Variants in BICD1 observed in about 807,000 individuals in gnomAD.
BICD1 encodes the protein protein bicaudal D homolog 1.
In BICD1, 35 loss-of-function variants were observed where a neutral mutation model predicts 92.5. That is an observed-to-expected ratio of 0.38 (90% CI 0.29 to 0.50). The LOEUF (loss-of-function observed/expected upper bound fraction) is 0.50. BICD1 is among the 20% of genes least tolerant of loss of function. The pLI is 0.93. For missense variants in BICD1, 950 were observed against 1,189.8 expected (o/e 0.80, Z 2.97); for synonymous variants, 429 against 465.1 (o/e 0.92, Z 1.00).
intron 2 of BICD1, among the ~76,000 whole-genome samples, chr12:32,252,216 C>G (rs1206833814): frequency 8.6e-6 from 1 of 116,528 alleles, no homozygotes; most frequent in Non-Finnish European, 1.7e-5. Flanking sequence ...TATTATATAT[C>G]TTGTATATAT....
At chr12:32,292,300 G>A (rs1474026583) in intron 2 of BICD1, among the ~76,000 whole-genome samples, 1 of 152,114 alleles carries the variant, frequency 6.6e-6, no homozygotes, top group African/African-American at 2.4e-5. Flanking sequence ...TTTTCCCTGT[G>A]TTTCTTCACA....
intron 3 of BICD1, among the ~76,000 whole-genome samples, chr12:32,296,256 GT>G (rs373796519): frequency 0.25 from 22,276 of 89,424 alleles, 1,174 homozygotes; most frequent in Admixed American, 0.32. Flanking sequence ...GTTTTTTTTT[GT>G]TTTTTTTTTT....
chr12:32,202,062 T>TA (rs1263830935), intron 1 of BICD1, among the ~76,000 whole-genome samples: 6 of 152,174 alleles, frequency 3.9e-5, no homozygotes, highest in Non-Finnish European at 5.9e-5. Flanking sequence ...ATATAATACT[T>TA]ATGGAACAGT....
intron 2 of BICD1, among the ~76,000 whole-genome samples, chr12:32,225,119 C>T (rs939112427): frequency 2.0e-5 from 3 of 152,216 alleles, no homozygotes; most frequent in African/African-American, 7.2e-5. Context: ...GCCACTCCCA[C>T]CTCAGCCTCT....
At chr12:32,245,002 C>G (rs904469817) in intron 2 of BICD1, among the ~76,000 whole-genome samples, 1 of 152,116 alleles carries the variant, frequency 6.6e-6, no homozygotes. Flanking sequence ...ACTCTGAAGA[C>G]AAAGACCTGG....
At chr12:32,124,444 C>T (rs1284559535) in intron 1 of BICD1, among the ~76,000 whole-genome samples, 1 of 151,960 alleles carries the variant, frequency 6.6e-6, no homozygotes, top group Non-Finnish European at 1.5e-5. Flanking sequence ...GTTTCCTCCT[C>T]AGTAAAATGG....
intron 1 of BICD1, among the ~76,000 whole-genome samples, chr12:32,131,439 C>G (rs1942543945): frequency 6.6e-6 from 1 of 152,132 alleles, no homozygotes; most frequent in Admixed American, 6.5e-5. Flanking sequence ...CCTACCATAG[C>G]TTTACTGGTC....
At chr12:32,366,483 G>A (rs929335496) in intron 8 of BICD1, among the ~76,000 whole-genome samples, 1 of 152,198 alleles carries the variant, frequency 6.6e-6, no homozygotes, top group Non-Finnish European at 1.5e-5. Context: ...GCCGGGTGTG[G>A]TGGCACATGC....
At chr12:32,351,289 C>T (rs1415458212) in intron 8 of BICD1, among the ~76,000 whole-genome samples, 2 of 150,656 alleles carry the variant, frequency 1.3e-5, no homozygotes, top group Non-Finnish European at 2.9e-5. Context: ...AGTTCAAGAG[C>T]AGCCTGGCCA....
At chr12:32,218,277 G>C (rs1945415289) in intron 2 of BICD1, among the ~76,000 whole-genome samples, 1 of 151,984 alleles carries the variant, frequency 6.6e-6, no homozygotes, top group African/African-American at 2.4e-5. Context: ...GGCAGCAAAA[G>C]AAAAAAAATT....
chr12:32,230,052 A>G (rs959420765), intron 2 of BICD1, among the ~76,000 whole-genome samples: 4 of 152,132 alleles, frequency 2.6e-5, no homozygotes, highest in African/African-American at 9.7e-5. Flanking sequence ...GATAGATGTG[A>G]GTGAAGCAAG....
chr12:32,221,165 G>A (rs1341868157), intron 2 of BICD1, among the ~76,000 whole-genome samples: 1 of 151,200 alleles, frequency 6.6e-6, no homozygotes, highest in Non-Finnish European at 1.5e-5. Context: ...AATGGGTGCA[G>A]CACACCAGCA....
intron 1 of BICD1, among the ~76,000 whole-genome samples, chr12:32,111,270 C>A (rs1941683162): frequency 6.6e-6 from 1 of 152,146 alleles, no homozygotes; most frequent in Non-Finnish European, 1.5e-5. Context: ...GCAGCTTTTT[C>A]TTTTGGAGCC....
At chr12:32,180,987 T>TA (rs1227628880) in intron 1 of BICD1, among the ~76,000 whole-genome samples, 75 of 151,766 alleles carry the variant, frequency 4.9e-4, no homozygotes, top group African/African-American at 1.8e-3. Context: ...TAGGGGAGAG[T>TA]AAAAATAAAT....
At chr12:32,318,616 A>G (rs916256531) in intron 4 of BICD1, among the ~76,000 whole-genome samples, 3 of 152,178 alleles carry the variant, frequency 2.0e-5, no homozygotes, top group African/African-American at 7.2e-5. Flanking sequence ...GCACTTTGGG[A>G]GGCCTAGGCA....
chr12:32,114,495 C>T (rs1941816971), intron 1 of BICD1, among the ~76,000 whole-genome samples: 1 of 152,038 alleles, frequency 6.6e-6, no homozygotes, highest in African/African-American at 2.4e-5. Flanking sequence ...AATCCTCATG[C>T]CTCAGCCCCC....
Position 32,242,215 on chromosome 12 carries a change from C to CAAAAAAAAA in BICD1, c.426+25776_426+25784dup, listed in dbSNP as rs4001812. ...TAGGATACAGAGTGAGACCCTGTCT[C>CAAAAAAAAA]AAAAAAAAAAAAAAAAAAAAAAAAA... is the stretch of plus-strand genomic sequence containing the variant. On this transcript the variant is annotated intron_variant, in intron 2 of 9. Transcript: ENST00000652176. Among the ~76,000 whole-genome samples, 10 of 47,730 alleles carry CAAAAAAAAA rather than the reference C, an allele frequency of 2.1e-4. 1 individual carries two copies. Among genetic ancestry groups the CAAAAAAAAA allele is most frequent in the African/African-American group, 8.8e-4 (9 of 10,274 alleles). The allele number at this position is 47,730 out of a possible 152,430, so 31.3% of individuals were successfully genotyped here.
rs578016957 is a variant in BICD1 at position 32,311,975 on chromosome 12, C to T, written c.1005+5853C>T. Among the ~76,000 whole-genome samples the T allele has an allele frequency of 1.8e-4, 27 of 152,194 alleles. No individual in the cohort carries two copies. The South Asian group carries it at 2.3e-3, about 13-fold the overall frequency. On this transcript the variant is annotated intron_variant, in intron 4 of 9. Transcript: ENST00000652176. ...TCTTGATATACAGGGTTAAATAAAA[C>T]GCATCCGATGAGAATTTATGGTTTG...
chr12:32,187,658 C>T lies in BICD1; in HGVS notation c.214-28589C>T, dbSNP rs185078666. Among the ~76,000 whole-genome samples, 100 of 151,632 alleles carry T rather than the reference C, an allele frequency of 6.6e-4. 1 individual carries two copies. The highest frequency in any genetic ancestry group is 3.4e-3 in the Middle Eastern group (1 of 294). On this transcript the variant is annotated intron_variant, in intron 1 of 9. Coordinates refer to ENST00000652176, the MANE Select transcript of BICD1 (RefSeq NM_001714.4). ...CCGCACTCCAGCCTGGGCAACAGAG[C>T]GAGACTCCATATCAAAAAAAAGGAA...
Sources: allele counts gnomAD v4.1 joint callset (sites outside exome capture counted in the v4.1 genomes callset), GRCh38; gene constraint gnomAD v4.1.1; transcripts MANE v1.5; gene names NCBI Gene and HGNC (gene_info 2026-07-23, HGNC 2026-07-21).